The following AP3B1 variants were observed in gnomAD, a reference collection of about 807,000 sequenced individuals.
The protein encoded by AP3B1 is AP-3 complex subunit beta-1.
Under a neutral mutation model 132.5 loss-of-function variants are expected in AP3B1, and 61 were observed. The ratio of observed to expected loss-of-function variants is 0.46; its 90% CI spans 0.37 to 0.57. The LOEUF (loss-of-function observed/expected upper bound fraction) is 0.57. Among genes scored for constraint, AP3B1 ranks in the 20% least tolerant of loss-of-function variants. The pLI is 0.00. For synonymous variants in AP3B1, 388 were observed against 438.3 expected (o/e 0.89, Z 1.43); for missense variants, 1,120 against 1,289.4 (o/e 0.87, Z 2.01).
chr5:78,034,518 T>C, intron 23 of AP3B1, 73 bp from the exon 24 acceptor site: 1 of 1,156,512 alleles, frequency 8.6e-7, no homozygotes, highest in Non-Finnish European at 1.3e-6. Flanking sequence ...ACTGAAAATT[T>C]AGGTAATGTT....
chr5:78,158,862 A>G (rs1001286405), intron 13 of AP3B1, among the ~76,000 whole-genome samples: 2 of 152,080 alleles, frequency 1.3e-5, no homozygotes, highest in Non-Finnish European at 2.9e-5. Context: ...ACGCCCAGCT[A>G]ATTTTTTGTA....
chr5:78,287,169 A>AT (rs577789903), intron 1 of AP3B1, among the ~76,000 whole-genome samples: 8 of 152,216 alleles, frequency 5.3e-5, no homozygotes. Context: ...CAAATACTAA[A>AT]TTTTTTTTAA....
At chr5:78,214,024 T>C (rs1745861216) in intron 7 of AP3B1, among the ~76,000 whole-genome samples, 2 of 152,248 alleles carry the variant, frequency 1.3e-5, no homozygotes, top group Non-Finnish European at 2.9e-5. Flanking sequence ...GGCTCGTTCC[T>C]GTGGCAGTGC....
intron 4 of AP3B1, 60 bp downstream of exon 4, chr5:78,228,084 G>C: frequency 8.4e-7 from 1 of 1,183,826 alleles, no homozygotes; most frequent in South Asian, 1.4e-5. Flanking sequence ...TTCTTTAACT[G>C]ACACACTTTC....
chr5:78,246,203 CTT>C (rs1747373887), intron 2 of AP3B1, among the ~76,000 whole-genome samples: 1 of 152,176 alleles, frequency 6.6e-6, no homozygotes, highest in Non-Finnish European at 1.5e-5. Flanking sequence ...ACACATTTGA[CTT>C]TTATTTTTTT....
At chr5:78,166,824 C>G (rs996683947) in intron 11 of AP3B1, among the ~76,000 whole-genome samples, 4 of 152,118 alleles carry the variant, frequency 2.6e-5, no homozygotes, top group African/African-American at 9.7e-5. Flanking sequence ...ATCCTCATCT[C>G]TCATCTTACA....
At position 78,184,686 on chromosome 5, in the gene AP3B1, C is replaced by CAAAAAAAAAAAAAAAAAA. The variant is rs772722596; in HGVS notation, c.787-3025_787-3024insTTTTTTTTTTTTTTTTTT. 8.3e-4 allele frequency among the ~76,000 whole-genome samples: 92 copies of CAAAAAAAAAAAAAAAAAA among 110,458 alleles called. 2 individuals carry two copies. The highest frequency in any genetic ancestry group is 2.4e-3 in the Admixed American group (26 of 10,858). The allele number at this position is 110,458 out of a possible 152,430, so 72.5% of individuals were successfully genotyped here. ...TGGGTGACACAGCGAGACACTGTCT[C>CAAAAAAAAAAAAAAAAAA]AAAAAAAAAAAAACAGAGTCTCAGG... On this transcript the variant is annotated intron_variant, in intron 7 of 26. Coordinates refer to ENST00000255194, the MANE Select transcript of AP3B1 (RefSeq NM_003664.5).
At chr5:78,003,206 C>A (rs1256816909) in intron 26 of AP3B1, 151 bp from the exon 27 acceptor site, 15 of 902,614 alleles carry the variant, frequency 1.7e-5, no homozygotes, top group South Asian at 1.0e-4. Context: ...GCCAAGCATT[C>A]TTCTGAAAAA....
At chr5:78,004,291 T>C (rs757605361) in intron 26 of AP3B1, among the ~76,000 whole-genome samples, 7 of 152,196 alleles carry the variant, frequency 4.6e-5, no homozygotes, top group Non-Finnish European at 1.0e-4. Flanking sequence ...GGTCAGTGTC[T>C]CATGTCTGAC....
At chr5:78,085,466 A>G (rs1209476136) in intron 22 of AP3B1, among the ~76,000 whole-genome samples, 1 of 152,200 alleles carries the variant, frequency 6.6e-6, no homozygotes, top group African/African-American at 2.4e-5. Context: ...CATAAACTGA[A>G]TACACCCATG....
At chr5:78,261,782 C>T (rs1314331542) in intron 2 of AP3B1, among the ~76,000 whole-genome samples, 3 of 145,598 alleles carry the variant, frequency 2.1e-5, no homozygotes, top group Non-Finnish European at 3.0e-5. Flanking sequence ...GACGCGGTCT[C>T]ACTCTGCCAC....
chr5:78,199,225 A>C (rs1243704796), intron 7 of AP3B1, among the ~76,000 whole-genome samples: 1 of 152,252 alleles, frequency 6.6e-6, no homozygotes, highest in African/African-American at 2.4e-5. Flanking sequence ...CTAGTATGTA[A>C]GAAACAAGCT....
chr5:78,043,816 C>A, intron 22 of AP3B1: 1 of 367,194 alleles, frequency 2.7e-6, no homozygotes, highest in South Asian at 2.6e-5. Flanking sequence ...CTCCATAAAT[C>A]CTTTAGTACC....
At chr5:78,194,997 AATGAAATACTACC>A (rs1381029026) in intron 7 of AP3B1, among the ~76,000 whole-genome samples, 1 of 152,106 alleles carries the variant, frequency 6.6e-6, no homozygotes, top group Non-Finnish European at 1.5e-5. Flanking sequence ...ACATGTATGA[AATGAAATACTACC>A]ATAGAATACT....
chr5:78,129,431 G>T, intron 15 of AP3B1, 124 bp from the exon 16 acceptor site: 2 of 849,122 alleles, frequency 2.4e-6, no homozygotes, highest in East Asian at 2.6e-5. Context: ...TGTTCCATAG[G>T]GAATACACAT....
At chr5:78,026,494 A>C (rs1747347168) in intron 24 of AP3B1, among the ~76,000 whole-genome samples, 1 of 152,198 alleles carries the variant, frequency 6.6e-6, no homozygotes, top group African/African-American at 2.4e-5. Flanking sequence ...TTTAACTATT[A>C]AAGGAAATAA....
chr5:78,262,280 A>T (rs1355193507), intron 2 of AP3B1, among the ~76,000 whole-genome samples: 2 of 152,104 alleles, frequency 1.3e-5, no homozygotes, highest in Non-Finnish European at 2.9e-5. Context: ...TTAGTGTTGT[A>T]TCTAAGAATC....
intron 7 of AP3B1, among the ~76,000 whole-genome samples, chr5:78,208,853 A>T (rs1561478278): frequency 6.6e-6 from 1 of 152,182 alleles, no homozygotes; most frequent in Non-Finnish European, 1.5e-5. Flanking sequence ...AAGTTCCACA[A>T]GAGATGAAAT....
At chr5:78,228,121 T>G (rs1311677820) in intron 4 of AP3B1, 23 bp downstream of exon 4, 1 of 1,514,286 alleles carries the variant, frequency 6.6e-7, no homozygotes, top group Non-Finnish European at 9.0e-7. Context: ...TGTAGCTATT[T>G]GCCTACTCAC....
Sources: gnomAD v4.1 joint callset for allele counts (sites outside exome capture counted in the v4.1 genomes callset) on GRCh38, gnomAD v4.1.1 for gene constraint, MANE v1.5 for transcripts, NCBI Gene and HGNC (gene_info 2026-07-23, HGNC 2026-07-21) for gene names.